Variants in DOT1L observed in about 807,000 individuals in gnomAD.
DOT1L encodes histone-lysine N-methyltransferase, H3 lysine-79 specific.
A neutral mutation model predicts 153.3 loss-of-function variants in DOT1L; 33 were observed. The observed-to-expected ratio is 0.22, with a 90% confidence interval of 0.16 to 0.29. DOT1L has a LOEUF of 0.29. Among genes scored for constraint, DOT1L ranks in the 10% least tolerant of loss-of-function variants. The pLI is 1.00. For synonymous variants in DOT1L, 1,135 were observed against 965.1 expected (o/e 1.18, Z -3.26); for missense variants, 1,847 against 2,119.9 (o/e 0.87, Z 2.53).
At chr19:2,228,353 T>C (rs1391997101) in intron 27 of DOT1L, 1 of 1,317,298 alleles carries the variant, frequency 7.6e-7, no homozygotes, top group East Asian at 4.7e-5. Context: ...GATAAAGACC[T>C]TGCTTAGCTA....
In DOT1L at chr19:2,227,026, C is replaced by T. The variant is rs1281612667; in HGVS notation, c.4505C>T (p.Pro1502Leu). ...SVLQSLFSSV[P>L]AAAGLVHVSS... ...CTGCAGTCGCTGTTCAGCTCTGTGCCGGCCGCCGCAGGCCTGGTGCACGTG... is the reference window on the plus strand; with the variant it reads ...CTGCAGTCGCTGTTCAGCTCTGTGCTGGCCGCCGCAGGCCTGGTGCACGTG... The change falls in exon 27 of 28, where the codon CCG (proline) becomes CTG (leucine). Residue 1502 changes from proline to leucine, a missense_variant. Transcript: ENST00000398665. 1.9e-6 allele frequency: 3 copies of T among 1,585,426 alleles called. No homozygotes were observed. Among genetic ancestry groups the T allele is most frequent in the Non-Finnish European group, 1.7e-6 (2 of 1,172,736 alleles).
chr19:2,173,864 G>A (rs2021777696), intron 1 of DOT1L, among the ~76,000 whole-genome samples: 3 of 152,360 alleles, frequency 2.0e-5, no homozygotes, highest in East Asian at 3.9e-4. Flanking sequence ...CTTCACAGCA[G>A]CCTGTGTGGG....
chr19:2,204,109 G>A lies in DOT1L; in HGVS notation c.787+1330G>A, dbSNP rs2023398984. Among the ~76,000 whole-genome samples, 1 of 152,140 alleles carries A rather than the reference G, an allele frequency of 6.6e-6. No homozygotes were observed. The highest frequency in any genetic ancestry group is 2.1e-4 in the South Asian group (1 of 4,820). ...TGCTTGTGTGCCTGTGTCTGTGTGTGCGTGTCTGTGTCTCTGTGCATGCCT... is the reference window on the plus strand; with the variant it reads ...TGCTTGTGTGCCTGTGTCTGTGTGTACGTGTCTGTGTCTCTGTGCATGCCT... On this transcript the variant is annotated intron_variant, in intron 9 of 27. Transcript: ENST00000398665. This position sits in a 1 kb window ranked among gnomAD's most constrained non-coding sequence, Gnocchi z 5.7.
intron 1 of DOT1L, among the ~76,000 whole-genome samples, chr19:2,170,411 T>C (rs2021549913): frequency 6.6e-6 from 1 of 152,132 alleles, no homozygotes; most frequent in Non-Finnish European, 1.5e-5. Flanking sequence ...CTTCCAGCAG[T>C]GTGAGGTGTA....
Position 2,220,536 on chromosome 19 carries a change from G to T in DOT1L, c.2806+314G>T, listed in dbSNP as rs1473737705. The T allele has an allele frequency of 2.0e-6, 1 of 504,740 alleles. No individual in the cohort carries two copies. The highest frequency in any genetic ancestry group is 5.2e-5 in the East Asian group (1 of 19,078). The allele number at this position is 504,740 out of a possible 1,614,324, so 31.3% of individuals were successfully genotyped here. A position where few individuals can be genotyped will look rare whatever the true frequency, so the allele number is the denominator to read the frequency against. ...GGGCTCCTGTACTCACAGCTGGGAG[G>T]CCCCTGACTCAGGATCGGCTCCACA... On this transcript the variant is annotated intron_variant, in intron 23 of 27. Coordinates refer to ENST00000398665, the MANE Select transcript of DOT1L (RefSeq NM_032482.3). The surrounding 1 kb of genome is among the most constrained non-coding windows in gnomAD (Gnocchi z 4.5).
In DOT1L at chr19:2,203,165, C is replaced by T. The variant is rs186372167; in HGVS notation, c.787+386C>T. Among the ~76,000 whole-genome samples, 96 of 152,262 alleles carry T rather than the reference C, an allele frequency of 6.3e-4. 1 individual carries two copies. Among genetic ancestry groups the T allele is most frequent in the Admixed American group, 1.8e-3 (27 of 15,292 alleles). ...TCCCCCAGGCTGTAGTGCAGTGGCG[C>T]GATCTCAGCTTACCGCAACCTCTGC... is the stretch of plus-strand genomic sequence containing the variant. On this transcript the variant is annotated intron_variant, in intron 9 of 27. Transcript: ENST00000398665.
At chr19:2,205,576 AG>A (rs1297356847) in intron 9 of DOT1L, among the ~76,000 whole-genome samples, 1 of 152,186 alleles carries the variant, frequency 6.6e-6, no homozygotes, top group Non-Finnish European at 1.5e-5. Context: ...CAGGGTTCAG[AG>A]GTATTTGAAA....
Position 2,220,125 on chromosome 19 carries a change from C to T in DOT1L, c.2709C>T (p.Pro903=), listed in dbSNP as rs373853253. ...RAERARSTPS[P]VLQPRDPSST... is the part of the protein sequence containing the mutation. ...CTCTGCAGAGGAGCACCCCCAGTCC[C>T]GTGCTGCAGCCCCGTGACCCCTCGT... The change falls in exon 23 of 28, where the codon CCC becomes CCT. Residue 903 remains proline (P), a synonymous_variant. Transcript: ENST00000398665. This position sits in a 1 kb window ranked among gnomAD's most constrained non-coding sequence, Gnocchi z 4.5. The T allele has an allele frequency of 4.0e-5, 64 of 1,610,948 alleles. No individual in the cohort carries two copies. The highest frequency in any genetic ancestry group is 3.3e-4 in the Middle Eastern group (2 of 6,052).
chr19:2,187,783 G>C (rs999204747), intron 3 of DOT1L, among the ~76,000 whole-genome samples: 8 of 152,214 alleles, frequency 5.3e-5, no homozygotes, highest in African/African-American at 1.7e-4. Context: ...TTAGCCGGGC[G>C]TGGTGGCGGG....
chr19:2,229,273 T>C, intron 27 of DOT1L: 1 of 985,442 alleles, frequency 1.0e-6, no homozygotes, highest in Non-Finnish European at 1.2e-6. Context: ...TCCAGGGACA[T>C]GGCGTGCCTG....
chr19:2,189,080 G>T (rs936514845), intron 3 of DOT1L, among the ~76,000 whole-genome samples: 1 of 152,210 alleles, frequency 6.6e-6, no homozygotes, highest in Non-Finnish European at 1.5e-5. Flanking sequence ...TCTCACTGTG[G>T]ACCCTGCTGT....
chr19:2,182,061 A>G (rs1019203374), intron 2 of DOT1L, among the ~76,000 whole-genome samples: 1 of 150,858 alleles, frequency 6.6e-6, no homozygotes, highest in Admixed American at 6.6e-5. Flanking sequence ...TGTCTCTACT[A>G]AAAAAAAACA....
At chr19:2,206,952 C>T (rs775927698) in intron 10 of DOT1L, among the ~76,000 whole-genome samples, 155 bp downstream of exon 10, 6 of 152,140 alleles carry the variant, frequency 3.9e-5, no homozygotes, top group Non-Finnish European at 8.8e-5. Context: ...TGCTGAGCAG[C>T]GTCCCTGGTG....
intron 2 of DOT1L, among the ~76,000 whole-genome samples, chr19:2,182,940 C>T (rs1315719701): frequency 1.3e-5 from 2 of 152,108 alleles, no homozygotes; most frequent in Non-Finnish European, 2.9e-5. Flanking sequence ...GGCACAGGGG[C>T]GTGCACCAAC....
intron 7 of DOT1L, among the ~76,000 whole-genome samples, chr19:2,198,331 A>T (rs2023103131): frequency 6.6e-6 from 1 of 152,182 alleles, no homozygotes; most frequent in Admixed American, 6.5e-5. Context: ...GCAGAGGCTC[A>T]GGATGGCTCG....
At position 2,214,602 on chromosome 19, in the gene DOT1L, C is replaced by G. The variant is rs368395706; in HGVS notation, c.1923+6C>G. The G allele has an allele frequency of 4.3e-6, 7 of 1,611,532 alleles. No individual in the cohort carries two copies. Among genetic ancestry groups the G allele is most frequent in the Non-Finnish European group, 5.1e-6 (6 of 1,179,302 alleles). ...GGCACTGCCTGGAGCTGCAGGTGGG[C>G]TGCGCGCGAGGCTGCACTCCGTGGT... On this transcript the variant is annotated splice_donor_region_variant and intron_variant, in intron 19 of 27. Coordinates refer to ENST00000398665, the MANE Select transcript of DOT1L (RefSeq NM_032482.3).
In DOT1L at chr19:2,211,168, C is replaced by T. The variant is rs759039532; in HGVS notation, c.1421C>T (p.Pro474Leu). 3.7e-6 allele frequency: 6 copies of T among 1,612,490 alleles called. No homozygotes were observed. The South Asian group carries it at 5.5e-5, about 15-fold the overall frequency. The change falls in exon 15 of 28, where the codon CCG becomes CTG. Residue 474 changes from proline (P) to leucine (L), a missense_variant. By Grantham distance (98) the Pro-to-Leu change is moderately conservative. Around this residue, in one of 8 missense-constraint regions of DOT1L, gnomAD observed 205 missense variants for 203.1 expected, o/e 1.01. Coordinates refer to ENST00000398665, the MANE Select transcript of DOT1L (RefSeq NM_032482.3). ...AGCGTGCAGCGGCACTCCCCCAACC[C>T]GCTGCTGGTGGCGCCCACCCCGCCC... is the stretch of plus-strand genomic sequence containing the variant. The part of the protein sequence containing the change: ...PPSVQRHSPN[P>L]LLVAPTPPAL...
rs1163795548 is a variant in DOT1L, at chr19:2,231,328, G to A, written c.*1536G>A. ...CACCCTCCAGGGAGCTGCCAGCCCTGTGTTCTGGTTCCCAAGGGCAGGATG... is the reference window on the plus strand; with the variant it reads ...CACCCTCCAGGGAGCTGCCAGCCCTATGTTCTGGTTCCCAAGGGCAGGATG... On this transcript the variant is annotated 3_prime_UTR_variant, in exon 28 of 28. Transcript: ENST00000398665. 1 of 215,382 alleles carries A rather than the reference G, an allele frequency of 4.6e-6. No homozygotes were observed. Among genetic ancestry groups the A allele is most frequent in the African/African-American group, 2.3e-5 (1 of 44,302 alleles). The allele number at this position is 215,382 out of a possible 1,614,324, so 13.3% of individuals were successfully genotyped here.
chr19:2,221,736 C>A, intron 23 of DOT1L: 1 of 515,422 alleles, frequency 1.9e-6, no homozygotes, highest in Non-Finnish European at 3.4e-6. Flanking sequence ...CAGCCGGGAC[C>A]TGCAGGGCAC....
Sources: allele counts gnomAD v4.1 joint callset (sites outside exome capture counted in the v4.1 genomes callset), GRCh38; gene constraint gnomAD v4.1.1; regional missense constraint gnomAD v4.1.1; non-coding constraint Gnocchi (gnomAD v3.1); transcripts MANE v1.5; gene names NCBI Gene and HGNC (gene_info 2026-07-23, HGNC 2026-07-21).